Variants in RASSF8 observed in about 807,000 individuals in gnomAD.
RASSF8 encodes the protein Ras association domain family member 8.
In RASSF8, 22 loss-of-function variants were observed where a neutral mutation model predicts 48.5. The observed-to-expected ratio is 0.45, with a 90% CI of 0.32 to 0.65. The LOEUF is 0.65. Among genes scored for constraint, RASSF8 ranks in the 30% least tolerant of loss-of-function variants. The pLI, the probability that RASSF8 is intolerant of heterozygous loss-of-function variation, is 0.03. For synonymous variants in RASSF8, 127 were observed against 171.5 expected, an observed-to-expected ratio of 0.74 and a Z score of 2.03; for missense variants, 418 against 489.2, an observed-to-expected ratio of 0.85 and a Z score of 1.37.
intron 2 of RASSF8, among the ~76,000 whole-genome samples, chr12:25,999,787 T>TC (rs1275862921): frequency 6.6e-6 from 1 of 152,180 alleles, no homozygotes; most frequent in African/African-American, 2.4e-5. Context: ...AATATCATGA[T>TC]CTTTTGTGTA....
chr12:26,068,859 A>G lies in RASSF8; in HGVS notation c.*41A>G. On this transcript the variant is annotated 3_prime_UTR_variant, in exon 6 of 6. Coordinates refer to ENST00000689635, the MANE Select transcript of RASSF8 (RefSeq NM_001394098.1). Reference sequence around the variant, plus strand: ...GGGAGGAGACCCAACAGAGGTACCAAGGACAGTAAACTTCCTTTTTGATTT... The same window carrying G: ...GGGAGGAGACCCAACAGAGGTACCAGGGACAGTAAACTTCCTTTTTGATTT... 6.5e-7 allele frequency: 1 copy of G among 1,530,318 alleles called. No individual in the cohort carries two copies. Among genetic ancestry groups the G allele is most frequent in the Non-Finnish European group, 8.7e-7 (1 of 1,143,340 alleles). 94.8% of individuals were successfully genotyped at this position (1,530,318 alleles called of 1,614,324 possible). A position where few individuals can be genotyped will look rare whatever the true frequency, so the allele number is the denominator to read the frequency against.
At chr12:25,998,450 A>G (rs1483429079) in intron 2 of RASSF8, among the ~76,000 whole-genome samples, 1 of 151,670 alleles carries the variant, frequency 6.6e-6, no homozygotes. Flanking sequence ...CCTGGGTTCA[A>G]GCGATTTTCC....
Position 26,033,960 on chromosome 12 carries a change from A to G in RASSF8, c.-108-21276A>G, listed in dbSNP as rs145962432. ...TTATTCTGAGTCGTTGTATGTGCCTAGCAAAGAGGAAGCACTTGGATCTGC... is the reference window on the plus strand; with the variant it reads ...TTATTCTGAGTCGTTGTATGTGCCTGGCAAAGAGGAAGCACTTGGATCTGC... On this transcript the variant is annotated intron_variant, in intron 2 of 5. Transcript: ENST00000689635. 4.2e-3 allele frequency among the ~76,000 whole-genome samples: 639 copies of G among 152,256 alleles called. 4 individuals are homozygous for G. Among genetic ancestry groups the G allele is most frequent in the African/African-American group, 0.012 (484 of 41,534 alleles).
chr12:26,019,018 A>C (rs1942721291), intron 2 of RASSF8, among the ~76,000 whole-genome samples: 1 of 152,112 alleles, frequency 6.6e-6, no homozygotes, highest in Non-Finnish European at 1.5e-5. Context: ...AATCAAACAG[A>C]CATTTAGAGG....
At chr12:26,041,094 T>G (rs2669561) in intron 2 of RASSF8, among the ~76,000 whole-genome samples, 107,687 of 151,478 alleles carry the variant, frequency 0.71, 38,362 homozygotes, top group South Asian at 0.78. Flanking sequence ...GGGTTTCACC[T>G]TGTTAGCCAG....
intron 1 of RASSF8, among the ~76,000 whole-genome samples, chr12:25,966,917 A>G (rs1941372703): frequency 6.6e-6 from 1 of 152,224 alleles, no homozygotes; most frequent in Non-Finnish European, 1.5e-5. Flanking sequence ...TTTTAGATTT[A>G]GATCTGTGAT....
In RASSF8 at chr12:26,068,827, G is replaced by C. The variant is rs1943940426; in HGVS notation, c.*9G>C. On this transcript the variant is annotated 3_prime_UTR_variant, in exon 6 of 6. Transcript: ENST00000689635. ...AAGGCATATATGTATGACATTATCTGTCTTTAGGGAGGAGACCCAACAGAG... is the reference window on the plus strand; with the variant it reads ...AAGGCATATATGTATGACATTATCTCTCTTTAGGGAGGAGACCCAACAGAG... 2 of 1,536,580 alleles carry C rather than the reference G, an allele frequency of 1.3e-6. No homozygotes were observed. The highest frequency in any genetic ancestry group is 1.7e-6 in the Non-Finnish European group (2 of 1,146,536).
chr12:26,038,608 A>AACAC (rs57536643), intron 2 of RASSF8, among the ~76,000 whole-genome samples: 7,817 of 144,790 alleles, frequency 0.054, 246 homozygotes, highest in Admixed American at 0.091. Flanking sequence ...TTCTTATTAA[A>AACAC]ACACACACAC....
chr12:26,070,984 A>G lies in RASSF8; in HGVS notation c.*2166A>G. ...TCTTGGGTTCCCAGCAGAGTATCAC[A>G]GTTAACCTCTCTGACAACTTCATCA... On this transcript the variant is annotated 3_prime_UTR_variant, in exon 6 of 6. Coordinates refer to ENST00000689635, the MANE Select transcript of RASSF8 (RefSeq NM_001394098.1). 1.0e-6 allele frequency: 1 copy of G among 984,924 alleles called. No homozygotes were observed. Among genetic ancestry groups the G allele is most frequent in the Non-Finnish European group, 1.2e-6 (1 of 829,476 alleles). The allele number at this position is 984,924 out of a possible 1,614,324, so 61.0% of individuals were successfully genotyped here. A position where few individuals can be genotyped will look rare whatever the true frequency, so the allele number is the denominator to read the frequency against.
intron 2 of RASSF8, among the ~76,000 whole-genome samples, chr12:26,034,653 C>T (rs1943095484): frequency 6.6e-6 from 1 of 152,110 alleles, no homozygotes; most frequent in Non-Finnish European, 1.5e-5. Flanking sequence ...AACTCCTATT[C>T]CTTTTCCTCC....
intron 2 of RASSF8, among the ~76,000 whole-genome samples, chr12:26,021,922 A>G (rs1942795864): frequency 6.6e-6 from 1 of 152,188 alleles, no homozygotes; most frequent in Admixed American, 6.5e-5. Context: ...CTTTGGTGGT[A>G]AGCAAATAAG....
chr12:26,020,492 A>G (rs1592274529), intron 2 of RASSF8: 1 of 152,248 alleles, frequency 6.6e-6, no homozygotes, highest in Admixed American at 6.5e-5. Context: ...TAAACCAACC[A>G]TAAGAGAAAA....
At chr12:25,979,009 A>G (rs1592226217) in intron 1 of RASSF8, among the ~76,000 whole-genome samples, 1 of 152,332 alleles carries the variant, frequency 6.6e-6, no homozygotes, top group East Asian at 1.9e-4. Context: ...TTGAGGGAGT[A>G]GAAAAAGATA....
chr12:26,053,563 C>A (rs1303466626), intron 2 of RASSF8, among the ~76,000 whole-genome samples: 1 of 152,152 alleles, frequency 6.6e-6, no homozygotes, highest in African/African-American at 2.4e-5. Context: ...ATTAAAGTCT[C>A]AGAGAAGTCT....
rs1941146381 is a variant in RASSF8 at position 25,958,782 on chromosome 12, G to C, written c.-569G>C. The C allele has an allele frequency of 2.7e-5, 4 of 147,402 alleles. No individual in the cohort carries two copies. The South Asian group carries it at 8.2e-4, about 30-fold the overall frequency. The allele number at this position is 147,402 out of a possible 1,614,324, so 9.1% of individuals were successfully genotyped here. ...CGCCCCGCGCCGCGCCCCGCTCAGC[G>C]TCTGCCGCCCAGCTCCTCGCCCAGC... On this transcript the variant is annotated 5_prime_UTR_variant, in exon 1 of 6. Transcript: ENST00000689635.
At chr12:26,032,807 A>G (rs571303342) in intron 2 of RASSF8, among the ~76,000 whole-genome samples, 1 of 152,322 alleles carries the variant, frequency 6.6e-6, no homozygotes, top group East Asian at 1.9e-4. Flanking sequence ...CTGGAGTGTC[A>G]ACATAATTAA....
chr12:26,018,821 T>C (rs1942716958), intron 2 of RASSF8, among the ~76,000 whole-genome samples: 1 of 152,238 alleles, frequency 6.6e-6, no homozygotes, highest in South Asian at 2.1e-4. Context: ...AGATAAGTTA[T>C]TTAGAATAAC....
intron 2 of RASSF8, among the ~76,000 whole-genome samples, chr12:26,025,993 T>C (rs946425960): frequency 4.6e-5 from 7 of 152,026 alleles, no homozygotes; most frequent in African/African-American, 1.7e-4. Flanking sequence ...ATTAAGTAGA[T>C]CAAAGACTTA....
chr12:26,007,183 A>G (rs1046254710), intron 2 of RASSF8, among the ~76,000 whole-genome samples: 2 of 152,072 alleles, frequency 1.3e-5, no homozygotes, highest in Non-Finnish European at 2.9e-5. Context: ...AGGGGAGGGC[A>G]TTAACCTATT....
Sources: allele counts gnomAD v4.1 joint callset (sites outside exome capture counted in the v4.1 genomes callset), GRCh38; gene constraint gnomAD v4.1.1; transcripts MANE v1.5; gene names NCBI Gene and HGNC (gene_info 2026-07-23, HGNC 2026-07-21).